The following BRINP3 variants were observed in gnomAD, a reference collection of about 807,000 sequenced individuals.
BRINP3 encodes BMP/retinoic acid inducible neural specific 3.
Under a neutral mutation model 71.0 loss-of-function variants are expected in BRINP3, and 19 were observed. That is an observed-to-expected ratio of 0.27 (90% CI 0.19 to 0.39). The LOEUF (loss-of-function observed/expected upper bound fraction) is 0.39. BRINP3 is among the 10% of genes least tolerant of loss of function. The pLI is 1.00. For synonymous variants in BRINP3, 380 were observed against 337.7 expected (o/e 1.13, Z -1.37); for missense variants, 959 against 940.8 (o/e 1.02, Z -0.25).
At chr1:190,184,894 G>A (rs1172007641) in intron 6 of BRINP3, among the ~76,000 whole-genome samples, 2 of 151,920 alleles carry the variant, frequency 1.3e-5, no homozygotes, top group Non-Finnish European at 1.5e-5. Context: ...TAAAGTAAAA[G>A]TAGAAATTAT....
At chr1:190,118,865 C>T (rs1256712446) in intron 7 of BRINP3, among the ~76,000 whole-genome samples, 1 of 152,074 alleles carries the variant, frequency 6.6e-6, no homozygotes, top group Non-Finnish European at 1.5e-5. Flanking sequence ...ATTATTCATT[C>T]GTTTAGTAAT....
At chr1:190,189,946 G>A (rs1050303035) in intron 6 of BRINP3, among the ~76,000 whole-genome samples, 4 of 152,078 alleles carry the variant, frequency 2.6e-5, no homozygotes, top group Admixed American at 2.0e-4. Flanking sequence ...CAAATGCATC[G>A]CAGTCAGTGT....
At chr1:190,113,007 G>A (rs1652819484) in intron 7 of BRINP3, among the ~76,000 whole-genome samples, 1 of 152,116 alleles carries the variant, frequency 6.6e-6, no homozygotes, top group Admixed American at 6.6e-5. Flanking sequence ...GGGGGTGAAT[G>A]TATAGTATGG....
chr1:190,346,951 C>T (rs181715029), intron 2 of BRINP3, among the ~76,000 whole-genome samples: 138 of 152,018 alleles, frequency 9.1e-4, no homozygotes, highest in African/African-American at 3.2e-3. Flanking sequence ...ACTCAGAAGC[C>T]TCTCAATAAA....
intron 7 of BRINP3, among the ~76,000 whole-genome samples, chr1:190,155,774 C>G (rs564391827): frequency 4.6e-5 from 7 of 151,946 alleles, no homozygotes; most frequent in South Asian, 2.1e-4. Flanking sequence ...GCACTTCCCC[C>G]CTAGCTTCCT....
At chr1:190,399,021 T>G (rs1388970758) in intron 2 of BRINP3, among the ~76,000 whole-genome samples, 2 of 152,042 alleles carry the variant, frequency 1.3e-5, no homozygotes, top group Non-Finnish European at 2.9e-5. Flanking sequence ...TCTATTTTTA[T>G]GTGTTTGCTC....
intron 4 of BRINP3, among the ~76,000 whole-genome samples, chr1:190,238,745 A>C (rs1028124063): frequency 3.3e-5 from 5 of 152,172 alleles, no homozygotes; most frequent in African/African-American, 1.2e-4. Context: ...ATAAGTAGAC[A>C]CAGGCACATT....
chr1:190,270,192 G>C (rs1571582707), intron 3 of BRINP3, among the ~76,000 whole-genome samples: 3 of 151,646 alleles, frequency 2.0e-5, no homozygotes, highest in African/African-American at 7.3e-5. Flanking sequence ...TTAACCAAAA[G>C]TATTTATGAA....
chr1:190,422,021 TC>T (rs964312338), intron 2 of BRINP3, among the ~76,000 whole-genome samples: 7 of 151,792 alleles, frequency 4.6e-5, no homozygotes, highest in Admixed American at 2.0e-4. Context: ...TGTCCAAGTT[TC>T]CCAGAGTGAC....
At chr1:190,359,206 C>G (rs1344744406) in intron 2 of BRINP3, among the ~76,000 whole-genome samples, 2 of 151,672 alleles carry the variant, frequency 1.3e-5, no homozygotes, top group East Asian at 1.9e-4. Flanking sequence ...GCTATTAAAA[C>G]AAACAAACAA....
chr1:190,173,242 A>T (rs1239905314), intron 6 of BRINP3, among the ~76,000 whole-genome samples: 1 of 152,224 alleles, frequency 6.6e-6, no homozygotes, highest in Non-Finnish European at 1.5e-5. Flanking sequence ...ATATAAAACT[A>T]CTTGCAGCAT....
chr1:190,179,782 AT>A (rs929552503), intron 6 of BRINP3, among the ~76,000 whole-genome samples: 27 of 152,014 alleles, frequency 1.8e-4, no homozygotes, highest in African/African-American at 6.3e-4. Flanking sequence ...TGTTAAATTT[AT>A]TTTTTCCCCT....
chr1:190,255,086 G>T (rs1369885128), intron 4 of BRINP3, among the ~76,000 whole-genome samples: 1 of 150,058 alleles, frequency 6.7e-6, no homozygotes, highest in Non-Finnish European at 1.5e-5. Flanking sequence ...TTATTGATTT[G>T]CATATGTCGA....
intron 4 of BRINP3, among the ~76,000 whole-genome samples, chr1:190,243,455 A>AT (rs1430367969): frequency 6.6e-6 from 1 of 152,082 alleles, no homozygotes; most frequent in Non-Finnish European, 1.5e-5. Flanking sequence ...GAAAACTGAC[A>AT]TTTTTATAAA....
chr1:190,360,351 G>A (rs1376883028), intron 2 of BRINP3, among the ~76,000 whole-genome samples: 3 of 152,152 alleles, frequency 2.0e-5, no homozygotes, highest in Admixed American at 1.3e-4. Flanking sequence ...AAGCATGTAG[G>A]AAGCAGGACT....
At chr1:190,445,018 A>G (rs1021168951) in intron 2 of BRINP3, among the ~76,000 whole-genome samples, 12 of 152,168 alleles carry the variant, frequency 7.9e-5, no homozygotes, top group African/African-American at 2.4e-4. Context: ...AATATTACCA[A>G]TTAATTGGTG....
intron 7 of BRINP3, among the ~76,000 whole-genome samples, chr1:190,126,204 T>A (rs1654072614): frequency 6.6e-6 from 1 of 151,952 alleles, no homozygotes; most frequent in Admixed American, 6.6e-5. Flanking sequence ...TGATAAAAAT[T>A]CTTCCAACCT....
At chr1:190,359,633 C>A (rs1669000989) in intron 2 of BRINP3, among the ~76,000 whole-genome samples, 2 of 152,060 alleles carry the variant, frequency 1.3e-5, no homozygotes, top group African/African-American at 4.8e-5. Context: ...ATCAATCAAT[C>A]TCTGAACCTC....
intron 2 of BRINP3, among the ~76,000 whole-genome samples, chr1:190,433,089 T>A (rs1258779293): frequency 6.6e-6 from 1 of 152,184 alleles, no homozygotes; most frequent in Non-Finnish European, 1.5e-5. Context: ...CGGAATATTG[T>A]TCCAAATTAG....
Sources: allele counts gnomAD v4.1 joint callset (sites outside exome capture counted in the v4.1 genomes callset), GRCh38; gene constraint gnomAD v4.1.1; transcripts MANE v1.5; gene names NCBI Gene and HGNC (gene_info 2026-07-23, HGNC 2026-07-21).